The following POLR3E variants were observed in gnomAD, a reference collection of about 807,000 sequenced individuals.
POLR3E encodes the protein RNA polymerase III subunit E, also known as DNA-directed RNA polymerase III subunit RPC5.
POLR3E carries 41 observed loss-of-function variants against 96.6 expected under a neutral mutation model. That is an observed-to-expected ratio of 0.42 (90% CI 0.33 to 0.55). POLR3E has a LOEUF of 0.55. POLR3E is among the 20% of genes least tolerant of loss of function. The pLI, the probability that POLR3E is intolerant of heterozygous loss-of-function variation, is 0.06. For missense variants in POLR3E, 849 were observed against 952.1 expected (o/e 0.89, Z 1.43); for synonymous variants, 396 against 383.6 (o/e 1.03, Z -0.38).
At chr16:22,329,443 C>T (rs1249384213) in intron 19 of POLR3E, among the ~76,000 whole-genome samples, 8 of 152,116 alleles carry the variant, frequency 5.3e-5, no homozygotes, top group Non-Finnish European at 7.3e-5. Flanking sequence ...AGGCCGTGAA[C>T]GTACCTAATT....
chr16:22,299,481 T>G (rs2047976488), intron 1 of POLR3E, among the ~76,000 whole-genome samples: 2 of 148,606 alleles, frequency 1.3e-5, no homozygotes, highest in Admixed American at 1.3e-4. Context: ...TGGCAAGATC[T>G]CGGCTCACTG....
chr16:22,305,092 C>A, intron 2 of POLR3E, 64 bp from the exon 3 acceptor site: 1 of 1,300,990 alleles, frequency 7.7e-7, no homozygotes, highest in Non-Finnish European at 1.1e-6. Flanking sequence ...GAAGCGCTGG[C>A]ATAGCCCGGG....
intron 19 of POLR3E, among the ~76,000 whole-genome samples, chr16:22,331,263 G>T (rs1023569564): frequency 1.3e-5 from 2 of 152,166 alleles, no homozygotes; most frequent in Admixed American, 6.5e-5. Flanking sequence ...GCAGGCGTGA[G>T]CCTCTGCGCC....
At position 22,322,865 on chromosome 16, in the gene POLR3E, C is replaced by T; in HGVS notation, c.1002C>T (p.Pro334=). The T allele has an allele frequency of 6.2e-7, 1 of 1,613,130 alleles. No homozygotes were observed. The highest frequency in any genetic ancestry group is 8.5e-7 in the Non-Finnish European group (1 of 1,179,456). ...NWVVKSDILY[P]KDSSSPHSGV... ...GCATTGGCAGTGACATCCTATACCC[C>T]AAGGACTCGTCCAGCCCTCACAGCG... Residue 334 remains proline (P), a synonymous_variant, in exon 14 of 21, where the codon CCC becomes CCT. Transcript: ENST00000299853. The surrounding 1 kb of genome is among the most constrained non-coding windows in gnomAD (Gnocchi z 5.2).
chr16:22,305,276 G>T (rs1027895026), intron 3 of POLR3E, 70 bp downstream of exon 3: 4 of 1,142,726 alleles, frequency 3.5e-6, no homozygotes, highest in Admixed American at 1.7e-5. Context: ...TCAGGAACAC[G>T]GGCAGGAAAC....
intron 19 of POLR3E, chr16:22,331,410 A>G (rs529736611): frequency 6.6e-6 from 1 of 152,148 alleles, no homozygotes; most frequent in Non-Finnish European, 1.5e-5. Context: ...ATTTTTCATT[A>G]TTCTGTATAT....
chr16:22,324,475 G>A, intron 15 of POLR3E, 28 bp from the exon 16 acceptor site: 3 of 1,610,800 alleles, frequency 1.9e-6, no homozygotes, highest in Non-Finnish European at 2.5e-6. Context: ...GGCTGGCTGT[G>A]CCTCACGCTG....
chr16:22,325,241 G>C lies in POLR3E; in HGVS notation c.1323G>C (p.Met441Ile), dbSNP rs1046200207. The C allele has an allele frequency of 9.3e-6, 15 of 1,613,802 alleles. No individual in the cohort carries two copies. The South Asian group carries it at 1.5e-4, about 17-fold the overall frequency. The part of the protein sequence containing the change: ...EKVYNLVKET[M>I]PKKPDAQSGP... ...TCTATAATCTTGTAAAGGAAACCAT[G>C]CCAAAGAAGCCGGATGCACAATCAG... The change falls in exon 17 of 21, where the codon ATG becomes ATC. Residue 441 changes from methionine (M) to isoleucine (I), a missense_variant. Met to Ile is a conservative substitution (Grantham distance 10). Transcript: ENST00000299853.
At position 22,322,977 on chromosome 16, in the gene POLR3E, AG is replaced by A. The variant is rs772906341; in HGVS notation, c.1068+52del. 2.6e-5 allele frequency: 36 copies of A among 1,365,876 alleles called. No individual in the cohort carries two copies. In the African/African-American group the frequency reaches 3.4e-4, roughly 13 times the overall value. The allele number at this position is 1,365,876 out of a possible 1,614,324, so 84.6% of individuals were successfully genotyped here. On this transcript the variant is annotated intron_variant, in intron 14 of 20. Coordinates refer to ENST00000299853, the MANE Select transcript of POLR3E (RefSeq NM_018119.4). The surrounding 1 kb of genome is among the most constrained non-coding windows in gnomAD (Gnocchi z 5.2). ...GGACTCACGGTGGGGGCGTGGGAAGAGGGGGGCAGCGGTGCAGGGCTTCTGA... is the reference window on the plus strand; with the variant it reads ...GGACTCACGGTGGGGGCGTGGGAAGAGGGGGCAGCGGTGCAGGGCTTCTGA...
chr16:22,322,786 G>A lies in POLR3E; in HGVS notation c.987-64G>A, dbSNP rs1450946749. 2.6e-6 allele frequency: 3 copies of A among 1,167,130 alleles called. No homozygotes were observed. The highest frequency in any genetic ancestry group is 3.8e-6 in the Non-Finnish European group (3 of 784,112). 72.3% of individuals were successfully genotyped at this position (1,167,130 alleles called of 1,614,324 possible). A position where few individuals can be genotyped will look rare whatever the true frequency, so the allele number is the denominator to read the frequency against. The stretch of plus-strand genomic sequence containing the variant: ...GAAGCATGGACTGGGGCTTGGCCGG[G>A]AGGGGTAGCGGTAGAGGGGGCTCAG... On this transcript the variant is annotated intron_variant, in intron 13 of 20. Transcript: ENST00000299853. The surrounding 1 kb of genome is among the most constrained non-coding windows in gnomAD (Gnocchi z 5.2).
intron 14 of POLR3E, among the ~76,000 whole-genome samples, chr16:22,323,871 T>C (rs2048520936): frequency 6.6e-6 from 1 of 152,102 alleles, no homozygotes; most frequent in Non-Finnish European, 1.5e-5. Context: ...GCCACCCTTC[T>C]CTCTCCCAGT....
Position 22,333,778 on chromosome 16 carries a change from C to A in POLR3E, c.*78C>A. 1 of 947,966 alleles carries A rather than the reference C, an allele frequency of 1.1e-6. No individual in the cohort carries two copies. Among genetic ancestry groups the A allele is most frequent in the Non-Finnish European group, 1.7e-6 (1 of 574,300 alleles). The allele number at this position is 947,966 out of a possible 1,614,324, so 58.7% of individuals were successfully genotyped here. A position where few individuals can be genotyped will look rare whatever the true frequency, so the allele number is the denominator to read the frequency against. ...GAACCAGAAGTAGGGCCTCGACTTG[C>A]TTCAGACGACACAGAGCAAGAGGAA... On this transcript the variant is annotated 3_prime_UTR_variant, in exon 21 of 21. Coordinates refer to ENST00000299853, the MANE Select transcript of POLR3E (RefSeq NM_018119.4).
At chr16:22,309,073 C>T (rs751302561) in intron 5 of POLR3E, 33 bp downstream of exon 5, 8 of 1,466,346 alleles carry the variant, frequency 5.5e-6, no homozygotes, top group Non-Finnish European at 5.7e-6. Context: ...GTCCGGTTTC[C>T]CTGCGTTCAC....
intron 18 of POLR3E, chr16:22,326,549 A>T: frequency 1.9e-6 from 1 of 534,098 alleles, no homozygotes; most frequent in Non-Finnish European, 3.4e-6. Flanking sequence ...GCCTAGTGAA[A>T]CAGGGCCCCT....
intron 4 of POLR3E, 114 bp downstream of exon 4, chr16:22,308,339 A>G: frequency 1.2e-6 from 1 of 815,614 alleles, no homozygotes; most frequent in Non-Finnish European, 2.1e-6. Context: ...AGAACCAGCA[A>G]CTCCCAGGCC....
Position 22,325,885 on chromosome 16 carries a change from C to A in POLR3E, c.1473C>A (p.Val491=), listed in dbSNP as rs532939991. Reference sequence around the variant, plus strand: ...AGGAGCAGCTGCGGGTGCCTGCGGTCCCGCCCGGTGTGCGGATCAAGGAGG... The same window carrying A: ...AGGAGCAGCTGCGGGTGCCTGCGGTACCGCCCGGTGTGCGGATCAAGGAGG... ...RRKEQLRVPA[V]PPGVRIKEEP... The change falls in exon 18 of 21, where the codon GTC becomes GTA. Residue 491 remains valine (V), a synonymous_variant. Coordinates refer to ENST00000299853, the MANE Select transcript of POLR3E (RefSeq NM_018119.4). The A allele has an allele frequency of 5.0e-6, 8 of 1,609,676 alleles. No homozygotes were observed. The African/African-American group carries it at 9.4e-5, about 19-fold the overall frequency.
At chr16:22,314,209 G>C (rs2048309622) in intron 8 of POLR3E, 81 bp downstream of exon 8, 2 of 1,106,386 alleles carry the variant, frequency 1.8e-6, no homozygotes, top group East Asian at 4.8e-5. Context: ...GGTCTTCACA[G>C]AATGCAGGTG....
At chr16:22,298,868 A>G in intron 1 of POLR3E, 1 of 432,418 alleles carries the variant, frequency 2.3e-6, no homozygotes, top group Non-Finnish European at 4.7e-6. Context: ...AGGTATTGAG[A>G]GAACCAGCAC....
At position 22,322,143 on chromosome 16, in the gene POLR3E, G is replaced by A. The variant is rs2048483078; in HGVS notation, c.987-707G>A. ...TGTCCCCACAGAGCGTGGCCTTGCA[G>A]GATGAGTGACAGTTGGTTGCCAGGT... On this transcript the variant is annotated intron_variant, in intron 13 of 20. Coordinates refer to ENST00000299853, the MANE Select transcript of POLR3E (RefSeq NM_018119.4). The surrounding 1 kb of genome is among the most constrained non-coding windows in gnomAD (Gnocchi z 5.2). Among the ~76,000 whole-genome samples, 4 of 152,234 alleles carry A rather than the reference G, an allele frequency of 2.6e-5. No individual in the cohort carries two copies. The South Asian group carries it at 8.3e-4, about 32-fold the overall frequency.
Sources: gnomAD v4.1 joint callset for allele counts (sites outside exome capture counted in the v4.1 genomes callset) on GRCh38, gnomAD v4.1.1 for gene constraint, Gnocchi (gnomAD v3.1) non-coding constraint, MANE v1.5 for transcripts, NCBI Gene and HGNC (gene_info 2026-07-23, HGNC 2026-07-21) for gene names.